The following SPATS2L variants were observed in gnomAD, a reference collection of about 807,000 sequenced individuals.
The protein encoded by SPATS2L is SPATS2-like protein.
A neutral mutation model predicts 59.6 loss-of-function variants in SPATS2L; 30 were observed. The ratio of observed to expected loss-of-function variants is 0.50; its 90% CI spans 0.38 to 0.68. The LOEUF (loss-of-function observed/expected upper bound fraction) is 0.68, where lower values mean the gene tolerates loss of function less well. Ranked by LOEUF, SPATS2L falls within the 30% of genes least tolerant of loss-of-function variation. SPATS2L has a pLI of 0.00. For missense variants in SPATS2L, 615 were observed against 700.0 expected (o/e 0.88, Z 1.37); for synonymous variants, 252 against 263.5 (o/e 0.96, Z 0.42).
chr2:200,408,033 GAC>G (rs377087690), intron 3 of SPATS2L, among the ~76,000 whole-genome samples: 2 of 152,128 alleles, frequency 1.3e-5, no homozygotes, highest in East Asian at 1.9e-4. Context: ...TGGGAGACAC[GAC>G]ACACACACAA....
At chr2:200,402,645 C>T (rs1409383914) in intron 3 of SPATS2L, among the ~76,000 whole-genome samples, 4 of 152,238 alleles carry the variant, frequency 2.6e-5, no homozygotes, top group Non-Finnish European at 5.9e-5. Context: ...ATTCATCAAA[C>T]ATTTGCCTTC....
At position 200,477,515 on chromosome 2, in the gene SPATS2L, T is replaced by TAAAAAAAAAAAAAA. The variant is rs59073895; in HGVS notation, c.1282-111_1282-98dup. The TAAAAAAAAAAAAAA allele has an allele frequency of 1.5e-3, 460 of 302,596 alleles. 18 individuals are homozygous for TAAAAAAAAAAAAAA. Among genetic ancestry groups the TAAAAAAAAAAAAAA allele is most frequent in the African/African-American group, 8.7e-3 (201 of 23,084 alleles). The allele number at this position is 302,596 out of a possible 1,614,324, so 18.7% of individuals were successfully genotyped here. A position where few individuals can be genotyped will look rare whatever the true frequency, so the allele number is the denominator to read the frequency against. On this transcript the variant is annotated intron_variant, in intron 12 of 12. Coordinates refer to ENST00000409140, the MANE Select transcript of SPATS2L (RefSeq NM_001100423.2). ...CATGTTTTCTGATTCTTCTGGTGTA[T>TAAAAAAAAAAAAAA]AAAAAAAAAAAAAAAAAAAAAAAGC...
chr2:200,333,772 G>A (rs1429300783), intron 2 of SPATS2L, among the ~76,000 whole-genome samples: 1 of 151,988 alleles, frequency 6.6e-6, no homozygotes, highest in Non-Finnish European at 1.5e-5. Context: ...TTGTTCTTGC[G>A]ATAGTTTGCT....
At chr2:200,332,794 G>A (rs527413399) in intron 2 of SPATS2L, among the ~76,000 whole-genome samples, 1 of 148,358 alleles carries the variant, frequency 6.7e-6, no homozygotes, top group South Asian at 2.1e-4. Context: ...GTGTGTGTGT[G>A]TATGTATGTA....
intron 2 of SPATS2L, among the ~76,000 whole-genome samples, chr2:200,330,879 C>T (rs295114): frequency 0.42 from 63,576 of 152,050 alleles, 13,633 homozygotes; most frequent in African/African-American, 0.5. Flanking sequence ...TGTGTTGGAA[C>T]GCTACTTGTA....
At chr2:200,333,011 T>C (rs2080003183) in intron 2 of SPATS2L, among the ~76,000 whole-genome samples, 1 of 152,136 alleles carries the variant, frequency 6.6e-6, no homozygotes, top group South Asian at 2.1e-4. Context: ...CTGGGTTTGT[T>C]AGCTCATGCC....
intron 2 of SPATS2L, among the ~76,000 whole-genome samples, chr2:200,370,771 C>T (rs1285124522): frequency 1.3e-5 from 2 of 152,114 alleles, no homozygotes; most frequent in Non-Finnish European, 2.9e-5. Flanking sequence ...TCCTAAGTGG[C>T]AGAGCTGAGA....
intron 2 of SPATS2L, among the ~76,000 whole-genome samples, chr2:200,336,876 C>T (rs2080160209): frequency 6.6e-6 from 1 of 152,096 alleles, no homozygotes; most frequent in African/African-American, 2.4e-5. Flanking sequence ...CCTTGTTTTT[C>T]AAGCACATGT....
chr2:200,386,794 C>T (rs1380027565), intron 2 of SPATS2L, among the ~76,000 whole-genome samples: 1 of 152,198 alleles, frequency 6.6e-6, no homozygotes, highest in African/African-American at 2.4e-5. Flanking sequence ...TTCAGTTCTT[C>T]ATAGTTCTTA....
intron 1 of SPATS2L, among the ~76,000 whole-genome samples, chr2:200,320,655 T>G (rs1250933968): frequency 6.6e-6 from 1 of 152,196 alleles, no homozygotes; most frequent in Non-Finnish European, 1.5e-5. Flanking sequence ...GATGGCATTG[T>G]GTCACTAATG....
intron 9 of SPATS2L, among the ~76,000 whole-genome samples, chr2:200,464,136 C>T (rs933657437): frequency 6.6e-6 from 1 of 152,152 alleles, no homozygotes; most frequent in African/African-American, 2.4e-5. Context: ...CCAAAACATA[C>T]TTATTATTCT....
intron 10 of SPATS2L, 116 bp downstream of exon 10, chr2:200,467,515 C>T (rs2086680292): frequency 1.4e-6 from 1 of 696,418 alleles, no homozygotes; most frequent in Non-Finnish European, 2.5e-6. Context: ...ACCCAGCTCT[C>T]TTCCACAGGG....
chr2:200,454,493 T>C (rs2085695971), intron 8 of SPATS2L, among the ~76,000 whole-genome samples: 1 of 152,218 alleles, frequency 6.6e-6, no homozygotes, highest in South Asian at 2.1e-4. Context: ...CTTTTCATTA[T>C]TGTTATTATC....
At chr2:200,369,417 C>T (rs1245134891) in intron 2 of SPATS2L, among the ~76,000 whole-genome samples, 1 of 152,038 alleles carries the variant, frequency 6.6e-6, no homozygotes, top group African/African-American at 2.4e-5. Flanking sequence ...CCTTGGCCTC[C>T]CAAAGTGCTG....
intron 9 of SPATS2L, chr2:200,463,195 C>G (rs2086364728): frequency 6.6e-6 from 1 of 151,944 alleles, no homozygotes; most frequent in Non-Finnish European, 1.5e-5. Context: ...GGAATTTCTC[C>G]CCACTAACTA....
At position 200,307,198 on chromosome 2, in the gene SPATS2L, G is replaced by A. The variant is rs1208040056; in HGVS notation, c.-73+276G>A. Reference sequence around the variant, plus strand: ...GGCGCCGGCTGGGACGCACAGTGGCGCTCCCCGGGCGAGCGTGTGGCCGCC... The same window carrying A: ...GGCGCCGGCTGGGACGCACAGTGGCACTCCCCGGGCGAGCGTGTGGCCGCC... On this transcript the variant is annotated intron_variant, in intron 1 of 12. Coordinates refer to ENST00000409140, the MANE Select transcript of SPATS2L (RefSeq NM_001100423.2). Among the ~76,000 whole-genome samples, 11 of 151,602 alleles carry A rather than the reference G, an allele frequency of 7.3e-5. No individual in the cohort carries two copies. The South Asian group carries it at 2.3e-3, about 32-fold the overall frequency.
At chr2:200,445,639 C>T (rs1057017026) in intron 8 of SPATS2L, among the ~76,000 whole-genome samples, 2 of 152,222 alleles carry the variant, frequency 1.3e-5, no homozygotes, top group African/African-American at 2.4e-5. Context: ...CCAGTTTGCT[C>T]TCCTTGGATA....
At chr2:200,418,674 C>A (rs1436443597) in intron 5 of SPATS2L, among the ~76,000 whole-genome samples, 1 of 152,100 alleles carries the variant, frequency 6.6e-6, no homozygotes, top group Non-Finnish European at 1.5e-5. Flanking sequence ...ACAATGACAG[C>A]AATTCCAGGA....
At chr2:200,343,747 G>A (rs147782307) in intron 2 of SPATS2L, among the ~76,000 whole-genome samples, 1 of 152,142 alleles carries the variant, frequency 6.6e-6, no homozygotes, top group African/African-American at 2.4e-5. Context: ...ATAAAATACT[G>A]TTCAGCCACA....
Sources: allele counts gnomAD v4.1 joint callset (sites outside exome capture counted in the v4.1 genomes callset), GRCh38; gene constraint gnomAD v4.1.1; transcripts MANE v1.5; gene names NCBI Gene and HGNC (gene_info 2026-07-23, HGNC 2026-07-21).